The following ACACA variants were observed in gnomAD, a reference collection of about 807,000 sequenced individuals.
The protein encoded by ACACA is acetyl-CoA carboxylase alpha, also known as acetyl-CoA carboxylase 1.
Under a neutral mutation model 296.1 loss-of-function variants are expected in ACACA, and 103 were observed. The observed-to-expected ratio is 0.35, with a 90% CI of 0.30 to 0.41. ACACA has a LOEUF of 0.41. Ranked by LOEUF, ACACA falls within the 10% of genes least tolerant of loss-of-function variation. ACACA has a pLI of 1.00. For synonymous variants in ACACA, 953 were observed against 1,038.6 expected (o/e 0.92, Z 1.58); for missense variants, 1,554 against 2,989.7 (o/e 0.52, Z 11.20).
intron 3 of ACACA, 117 bp from the exon 4 acceptor site, chr17:37,285,087 A>AG: frequency 4.3e-6 from 5 of 1,173,208 alleles, no homozygotes. Flanking sequence ...GCATGCTGGC[A>AG]GGTCACGTAC....
intron 42 of ACACA, among the ~76,000 whole-genome samples, chr17:37,161,343 T>C (rs947565756): frequency 6.6e-6 from 1 of 152,142 alleles, no homozygotes; most frequent in African/African-American, 2.4e-5. Context: ...AGTCAGTACT[T>C]CAGAGGGCTA....
chr17:37,289,078 T>C (rs906403143), intron 3 of ACACA, among the ~76,000 whole-genome samples: 1 of 151,186 alleles, frequency 6.6e-6, no homozygotes, highest in Non-Finnish European at 1.5e-5. Flanking sequence ...GCCTAACCAA[T>C]ATGGTGAAAC....
chr17:37,363,931 T>C (rs2049512805), intron 1 of ACACA, among the ~76,000 whole-genome samples: 1 of 151,982 alleles, frequency 6.6e-6, no homozygotes, highest in Non-Finnish European at 1.5e-5. Flanking sequence ...AAGACTAGCC[T>C]GGCCAATATG....
chr17:37,300,881 C>T (rs762530897), intron 3 of ACACA, among the ~76,000 whole-genome samples: 1 of 152,192 alleles, frequency 6.6e-6, no homozygotes, highest in Non-Finnish European at 1.5e-5. Flanking sequence ...AAGAACCAAG[C>T]TGACACAGAG....
chr17:37,339,738 T>C, intron 2 of ACACA, 66 bp downstream of exon 2: 1 of 998,162 alleles, frequency 1.0e-6, no homozygotes, highest in East Asian at 2.4e-5. Flanking sequence ...GCCTACAGTT[T>C]GATATTTTAC....
At chr17:37,269,110 C>A (rs1336191380) in intron 10 of ACACA, among the ~76,000 whole-genome samples, 1 of 148,674 alleles carries the variant, frequency 6.7e-6, no homozygotes, top group Non-Finnish European at 1.5e-5. Context: ...GATAATGTAG[C>A]AAAACAATAC....
chr17:37,102,439 T>A (rs1402587852), intron 52 of ACACA, among the ~76,000 whole-genome samples: 1 of 152,120 alleles, frequency 6.6e-6, no homozygotes, highest in Non-Finnish European at 1.5e-5. Flanking sequence ...TGACCTCAGG[T>A]GATCTGCCTG....
chr17:37,172,366 T>C (rs868074239), intron 41 of ACACA, among the ~76,000 whole-genome samples: 94 of 152,264 alleles, frequency 6.2e-4, no homozygotes, highest in African/African-American at 2.2e-3. Flanking sequence ...CCAATAATAG[T>C]CATTCAGAAG....
chr17:37,087,246 G>A lies in ACACA; in HGVS notation c.*70C>T, dbSNP rs2072266026. 2 of 1,603,880 alleles carry A rather than the reference G, an allele frequency of 1.2e-6. No individual in the cohort carries two copies. The highest frequency in any genetic ancestry group is 2.7e-5 in the African/African-American group (2 of 74,666). On this transcript the variant is annotated 3_prime_UTR_variant, in exon 56 of 56. Transcript: ENST00000616317. ...TCTCCTGTGCCTTCTCATTACAGTG[G>A]TTACAGTTGTAAAAGGCAGCTCTAG... is the stretch of plus-strand genomic sequence containing the variant.
intron 29 of ACACA, among the ~76,000 whole-genome samples, chr17:37,221,317 A>C (rs2079278277): frequency 6.6e-6 from 1 of 152,204 alleles, no homozygotes; most frequent in Admixed American, 6.5e-5. Flanking sequence ...ATATAACCTC[A>C]ACCCATAGCA....
intron 25 of ACACA, among the ~76,000 whole-genome samples, chr17:37,226,965 A>G (rs576204505): frequency 1.6e-4 from 24 of 151,548 alleles, no homozygotes; most frequent in Middle Eastern, 3.4e-3. Flanking sequence ...TTATTTATTT[A>G]TAAACACACA....
rs755496610 is a variant in ACACA, at chr17:37,221,855, A to C, written c.3565-13T>G. The C allele has an allele frequency of 6.3e-7, 1 of 1,594,020 alleles. No individual in the cohort carries two copies. Among genetic ancestry groups the C allele is most frequent in the South Asian group, 1.1e-5 (1 of 90,640 alleles). On this transcript the variant is annotated splice_polypyrimidine_tract_variant and intron_variant, in intron 28 of 55. Transcript: ENST00000616317. ...TTCGAACATACACCTGGTTCAAAAG[A>C]AACCCTCAGTAAATAAATTTCAAAA...
chr17:37,406,313 C>A lies in ACACA; in HGVS notation c.-14G>T, dbSNP rs373382810. 5.6e-6 allele frequency: 9 copies of A among 1,614,152 alleles called. No individual in the cohort carries two copies. The highest frequency in any genetic ancestry group is 7.6e-6 in the Non-Finnish European group (9 of 1,179,988). ...AGACCACCACATCCTCTCATCATTG[C>A]GCCTCAATTTGGGCCTCTGAAGCCC... On this transcript the variant is annotated 5_prime_UTR_variant, in exon 1 of 56. Coordinates refer to ENST00000616317, the MANE Select transcript of ACACA (RefSeq NM_198834.3).
At chr17:37,103,333 T>C (rs1306978375) in intron 52 of ACACA, among the ~76,000 whole-genome samples, 5 of 152,264 alleles carry the variant, frequency 3.3e-5, no homozygotes, top group Non-Finnish European at 7.3e-5. Flanking sequence ...TATCCTATCA[T>C]TGATCGTTTG....
chr17:37,245,927 C>T (rs2080675268), intron 19 of ACACA, among the ~76,000 whole-genome samples: 1 of 152,062 alleles, frequency 6.6e-6, no homozygotes, highest in African/African-American at 2.4e-5. Flanking sequence ...TTTGCTTGTC[C>T]CTCCCCATTA....
At chr17:37,144,456 TC>T in intron 45 of ACACA, 1 of 282,388 alleles carries the variant, frequency 3.5e-6, no homozygotes, top group Non-Finnish European at 6.9e-6. Context: ...TTCTTGAGCC[TC>T]CATGACTTTC....
intron 39 of ACACA, among the ~76,000 whole-genome samples, chr17:37,183,336 C>T (rs2077395225): frequency 6.6e-6 from 1 of 152,116 alleles, no homozygotes; most frequent in Non-Finnish European, 1.5e-5. Flanking sequence ...GGCAGTTTGT[C>T]AATATCTTAT....
Position 37,102,725 on chromosome 17 carries a change from T to C in ACACA, c.6566-4741A>G, listed in dbSNP as rs539500719. Among the ~76,000 whole-genome samples the C allele has an allele frequency of 3.9e-5, 6 of 152,342 alleles. No homozygotes were observed. The South Asian group carries it at 1.2e-3, about 32-fold the overall frequency. On this transcript the variant is annotated intron_variant, in intron 52 of 55. Transcript: ENST00000616317. ...GGGAGCAGCTACGGGCTGAGGACAG[T>C]GTTTCAGAAACCAGGCTTTGGCTTC... is the stretch of plus-strand genomic sequence containing the variant.
intron 45 of ACACA, among the ~76,000 whole-genome samples, chr17:37,134,701 G>A (rs934625818): frequency 6.6e-6 from 1 of 152,088 alleles, no homozygotes; most frequent in African/African-American, 2.4e-5. Context: ...AAGGAAGCAG[G>A]GAATACAAAA....
Sources: gnomAD v4.1 joint callset for allele counts (sites outside exome capture counted in the v4.1 genomes callset) on GRCh38, gnomAD v4.1.1 for gene constraint, MANE v1.5 for transcripts, NCBI Gene and HGNC (gene_info 2026-07-23, HGNC 2026-07-21) for gene names.